BICRAL: variants seen among roughly 807,000 people sequenced by gnomAD.
BICRAL encodes BICRA like chromatin remodeling complex associated protein.
Under a neutral mutation model 91.8 loss-of-function variants are expected in BICRAL, and 8 were observed. That is an observed-to-expected ratio of 0.09 (90% confidence interval 0.05 to 0.16). BICRAL has a LOEUF of 0.16. Among genes scored for constraint, BICRAL ranks in the 10% least tolerant of loss-of-function variants. The pLI, the probability that BICRAL is intolerant of heterozygous loss-of-function variation, is 1.00. For missense variants in BICRAL, 1,038 were observed against 1,310.9 expected (o/e 0.79, Z 3.21); for synonymous variants, 445 against 491.1 (o/e 0.91, Z 1.24).
intron 6 of BICRAL, among the ~76,000 whole-genome samples, chr6:42,846,630 C>T (rs1407201291): frequency 1.3e-5 from 2 of 152,074 alleles, no homozygotes; most frequent in African/African-American, 2.4e-5. Context: ...GTCTTCTGGG[C>T]GGCACAAGGA....
At chr6:42,850,675 G>T (rs1015310572) in intron 6 of BICRAL, among the ~76,000 whole-genome samples, 3 of 151,844 alleles carry the variant, frequency 2.0e-5, no homozygotes, top group African/African-American at 7.3e-5. Context: ...AACAAGGTCA[G>T]GAGTTCGAGA....
chr6:42,802,428 T>TGTTG (rs142098476), intron 1 of BICRAL, among the ~76,000 whole-genome samples: 6,207 of 103,984 alleles, frequency 0.06, 465 homozygotes, highest in African/African-American at 0.16. Flanking sequence ...CGTGTTTTTT[T>TGTTG]TTGTTGTTGT....
At position 42,823,075 on chromosome 6, in the gene BICRAL, A is replaced by G. The variant is rs1412452056; in HGVS notation, c.159+72A>G. 4 of 855,084 alleles carry G rather than the reference A, an allele frequency of 4.7e-6. No homozygotes were observed. In the East Asian group the frequency reaches 7.3e-5, roughly 16 times the overall value. The allele number at this position is 855,084 out of a possible 1,614,324, so 53.0% of individuals were successfully genotyped here. ...TTGATGCCTTGTGAACTGAGCCTTT[A>G]ACTGCCTTTGTATCATGAGAATCCT... On this transcript the variant is annotated intron_variant, in intron 5 of 12. Coordinates refer to ENST00000314073, the MANE Select transcript of BICRAL (RefSeq NM_001393499.1).
chr6:42,756,383 T>C (rs943866957), intron 1 of BICRAL, among the ~76,000 whole-genome samples: 1 of 152,178 alleles, frequency 6.6e-6, no homozygotes, highest in East Asian at 1.9e-4. Flanking sequence ...ATCCCTTAAA[T>C]ATAAGTGAGG....
intron 2 of BICRAL, among the ~76,000 whole-genome samples, chr6:42,817,983 A>AAG (rs1305475184): frequency 6.6e-6 from 1 of 151,678 alleles, no homozygotes; most frequent in Non-Finnish European, 1.5e-5. Context: ...AAAAAAAAAA[A>AAG]AAAGTGAGTA....
intron 2 of BICRAL, among the ~76,000 whole-genome samples, chr6:42,814,189 A>G (rs777485230): frequency 2.0e-5 from 3 of 146,786 alleles, no homozygotes; most frequent in African/African-American, 5.0e-5. Flanking sequence ...AAGTAAAGCA[A>G]ATGTCAGTAG....
At chr6:42,763,227 G>T (rs143122310) in intron 1 of BICRAL, among the ~76,000 whole-genome samples, 379 of 152,260 alleles carry the variant, frequency 2.5e-3, no homozygotes, top group African/African-American at 8.6e-3. Flanking sequence ...ATCATTTGAA[G>T]CAAGAACAGG....
At chr6:42,831,784 G>A (rs906250312) in intron 6 of BICRAL, among the ~76,000 whole-genome samples, 32 of 151,266 alleles carry the variant, frequency 2.1e-4, no homozygotes, top group African/African-American at 7.1e-4. Flanking sequence ...TGTTGCCCAG[G>A]CTAGCATGCA....
chr6:42,777,684 G>T (rs903778006), upstream of BICRAL, among the ~76,000 whole-genome samples: 1 of 152,118 alleles, frequency 6.6e-6, no homozygotes, highest in Admixed American at 6.5e-5. Context: ...GGGAAAAAAA[G>T]AAAAACACTT....
At chr6:42,851,958 A>C (rs942903259) in intron 6 of BICRAL, 134 bp from the exon 7 acceptor site, 15 of 601,336 alleles carry the variant, frequency 2.5e-5, no homozygotes, top group Non-Finnish European at 4.4e-5. Flanking sequence ...AAATACAATT[A>C]TTAAATTTTT....
In BICRAL at chr6:42,814,519, ATTTTTTT is replaced by A. The variant is rs70990145; in HGVS notation, c.-6+4133_-6+4139del. 8.6e-3 allele frequency among the ~76,000 whole-genome samples: 693 copies of A among 80,178 alleles called. 4 individuals carry two copies. Among genetic ancestry groups the A allele is most frequent in the East Asian group, 0.022 (61 of 2,806 alleles). The allele number at this position is 80,178 out of a possible 152,430, so 52.6% of individuals were successfully genotyped here. On this transcript the variant is annotated intron_variant, in intron 2 of 12. Transcript: ENST00000314073. ...TGTGTGTATATATATATATATATAT[ATTTTTTT>A]TTTTTTTTTTTTTTAGATGAAGTCT...
rs749242934 is a variant in BICRAL at position 42,829,982 on chromosome 6, A to G, written c.1649A>G (p.His550Arg). 6.2e-7 allele frequency: 1 copy of G among 1,614,228 alleles called. No individual in the cohort carries two copies. The highest frequency in any genetic ancestry group is 2.2e-5 in the East Asian group (1 of 44,884). ...FPAVSSASTAHPSLGSAVQSG... is the reference protein window; with the variant it reads ...FPAVSSASTARPSLGSAVQSG... ...GCTGTCAGCTCAGCCAGCACTGCCC[A>G]TCCTAGTCTTGGGTCTGCAGTTCAG... The change falls in exon 6 of 13, where the codon CAT becomes CGT. Residue 550 changes from histidine (H) to arginine (R), a missense_variant. By Grantham distance (29) the His-to-Arg change is conservative. Coordinates refer to ENST00000314073, the MANE Select transcript of BICRAL (RefSeq NM_001393499.1).
intron 2 of BICRAL, 144 bp downstream of exon 2, chr6:42,810,545 C>T (rs1763820862): frequency 1.3e-5 from 2 of 152,182 alleles, no homozygotes; most frequent in Admixed American, 6.5e-5. Flanking sequence ...GATGAGAATA[C>T]TTTACATCCT....
chr6:42,755,392 G>A (rs2113823496), intron 1 of BICRAL, among the ~76,000 whole-genome samples: 1 of 152,280 alleles, frequency 6.6e-6, no homozygotes, highest in East Asian at 1.9e-4. Context: ...GTCTGGGCTT[G>A]ACTCCTGCAG....
intron 5 of BICRAL, among the ~76,000 whole-genome samples, chr6:42,825,672 A>T (rs1469873928): frequency 6.6e-6 from 1 of 152,136 alleles, no homozygotes; most frequent in Non-Finnish European, 1.5e-5. Context: ...GCAGTGAGCC[A>T]AGATTGTGCC....
chr6:42,785,728 G>A (rs1352588237), intron 1 of BICRAL, among the ~76,000 whole-genome samples: 1 of 152,158 alleles, frequency 6.6e-6, no homozygotes, highest in Admixed American at 6.5e-5. Context: ...GGATAGTCAA[G>A]TTATGTGGAA....
At chr6:42,801,108 C>T (rs1763555403) in intron 1 of BICRAL, among the ~76,000 whole-genome samples, 1 of 151,822 alleles carries the variant, frequency 6.6e-6, no homozygotes. Flanking sequence ...CAAAATTAGC[C>T]AGGCGTTGTG....
intron 12 of BICRAL, among the ~76,000 whole-genome samples, chr6:42,863,049 C>CTTT (rs34653827): frequency 6.1e-5 from 8 of 130,696 alleles, no homozygotes; most frequent in South Asian, 2.5e-4. Flanking sequence ...ATGGACATTT[C>CTTT]TTTTTTTTTT....
Position 42,863,960 on chromosome 6 carries a change from T to A in BICRAL, c.2453-699T>A, listed in dbSNP as rs1765631050. Among the ~76,000 whole-genome samples the A allele has an allele frequency of 2.0e-5, 3 of 151,980 alleles. 1 individual carries two copies. The South Asian group carries it at 6.2e-4, about 32-fold the overall frequency. ...GGGCGGATCATCTGAGGTCAGGAGT[T>A]CGAGACCATCCTGACCAACATGGCG... On this transcript the variant is annotated intron_variant, in intron 12 of 12. Coordinates refer to ENST00000314073, the MANE Select transcript of BICRAL (RefSeq NM_001393499.1).
Sources: gnomAD v4.1 joint callset for allele counts (sites outside exome capture counted in the v4.1 genomes callset) on GRCh38, gnomAD v4.1.1 for gene constraint, MANE v1.5 for transcripts, NCBI Gene and HGNC (gene_info 2026-07-23, HGNC 2026-07-21) for gene names.